Variants in DMRT1 observed in about 807,000 individuals in gnomAD.
DMRT1 encodes the protein doublesex- and mab-3-related transcription factor 1.
DMRT1 carries 7 observed loss-of-function variants against 32.3 expected under a neutral mutation model. The observed-to-expected ratio is 0.22, with a 90% CI of 0.12 to 0.41. DMRT1 has a LOEUF of 0.41. Ranked by LOEUF, DMRT1 falls within the 10% of genes least tolerant of loss-of-function variation. The pLI is 1.00. For synonymous variants in DMRT1, 278 were observed against 206.1 expected (o/e 1.35, Z -2.99); for missense variants, 625 against 500.5 (o/e 1.25, Z -2.37).
chr9:930,443 G>C (rs534003233), intron 4 of DMRT1, among the ~76,000 whole-genome samples: 1 of 150,266 alleles, frequency 6.7e-6, no homozygotes, highest in Non-Finnish European at 1.5e-5. Flanking sequence ...ACGGAGTTTC[G>C]CTCTGTCGCC....
At chr9:863,386 C>A (rs1471216734) in intron 2 of DMRT1, among the ~76,000 whole-genome samples, 1 of 151,230 alleles carries the variant, frequency 6.6e-6, no homozygotes, top group Non-Finnish European at 1.5e-5. Flanking sequence ...ACTAGAGATG[C>A]CATGACAGAA....
chr9:846,912 A>T, intron 1 of DMRT1, 48 bp from the exon 2 acceptor site: 4 of 1,612,330 alleles, frequency 2.5e-6, no homozygotes, highest in Non-Finnish European at 3.4e-6. Context: ...GTTTTGGCAA[A>T]GCTGATTCTG....
At chr9:967,574 A>G (rs1819968836) in intron 4 of DMRT1, among the ~76,000 whole-genome samples, 5 of 152,208 alleles carry the variant, frequency 3.3e-5, no homozygotes, top group Admixed American at 3.3e-4. Flanking sequence ...GTCGTGGTGG[A>G]AATGCATGGG....
intron 3 of DMRT1, among the ~76,000 whole-genome samples, chr9:913,807 C>T (rs776208879): frequency 6.6e-6 from 1 of 152,104 alleles, no homozygotes; most frequent in African/African-American, 2.4e-5. Flanking sequence ...GCAGGAGAAT[C>T]GCTTGAAGCC....
chr9:855,763 A>G (rs1815373300), intron 2 of DMRT1, among the ~76,000 whole-genome samples: 1 of 152,124 alleles, frequency 6.6e-6, no homozygotes, highest in African/African-American at 2.4e-5. Context: ...GACTACAGGC[A>G]CGTGCCACCA....
chr9:848,520 C>T (rs1004567620), intron 2 of DMRT1, among the ~76,000 whole-genome samples: 8 of 148,644 alleles, frequency 5.4e-5, no homozygotes, highest in Non-Finnish European at 1.2e-4. Context: ...ATAGTATGTC[C>T]TTATAATAGT....
chr9:911,431 G>GAAATTGC (rs1817976564), intron 3 of DMRT1, among the ~76,000 whole-genome samples: 1 of 133,552 alleles, frequency 7.5e-6, no homozygotes, highest in African/African-American at 2.7e-5. Context: ...AATTTAGTTT[G>GAAATTGC]AAATTGCATT....
chr9:924,219 G>A (rs1438850594), intron 4 of DMRT1, among the ~76,000 whole-genome samples: 1 of 151,914 alleles, frequency 6.6e-6, no homozygotes, highest in East Asian at 1.9e-4. Flanking sequence ...TTACAGGGGT[G>A]CACCACCACA....
chr9:929,339 C>T (rs1484096566), intron 4 of DMRT1, among the ~76,000 whole-genome samples: 1 of 152,078 alleles, frequency 6.6e-6, no homozygotes, highest in African/African-American at 2.4e-5. Flanking sequence ...ACTATGTTGC[C>T]CAGGCTGGAC....
At chr9:885,630 G>T (rs1451636774) in intron 2 of DMRT1, among the ~76,000 whole-genome samples, 2 of 152,136 alleles carry the variant, frequency 1.3e-5, no homozygotes, top group African/African-American at 4.8e-5. Context: ...GTGTCTGCTC[G>T]CTAGGGTTTC....
intron 3 of DMRT1, among the ~76,000 whole-genome samples, chr9:903,169 A>G (rs573032341): frequency 1.3e-5 from 2 of 152,118 alleles, no homozygotes; most frequent in Non-Finnish European, 2.9e-5. Flanking sequence ...AGTGGACCCA[A>G]TTCTCTTGGG....
rs1437068930 is a variant in DMRT1, at chr9:887,900, A to G, written c.539-6012A>G. Among the ~76,000 whole-genome samples, 4 of 152,238 alleles carry G rather than the reference A, an allele frequency of 2.6e-5. No individual in the cohort carries two copies. In the East Asian group the frequency reaches 5.8e-4, roughly 22 times the overall value. On this transcript the variant is annotated intron_variant, in intron 2 of 4. Coordinates refer to ENST00000382276, the MANE Select transcript of DMRT1 (RefSeq NM_021951.3). ...AGTATGTTTTTGTGCCTTTGACAAC[A>G]TTTAAAGAAAGCTTTGAACATAGTT...
intron 2 of DMRT1, among the ~76,000 whole-genome samples, chr9:877,774 G>C (rs1589489015): frequency 6.6e-6 from 1 of 152,212 alleles, no homozygotes; most frequent in Non-Finnish European, 1.5e-5. Flanking sequence ...ATAATTCCCA[G>C]TTTGGGTTAT....
intron 2 of DMRT1, among the ~76,000 whole-genome samples, chr9:888,767 T>C (rs143327711): frequency 0.01 from 1,449 of 143,680 alleles, 21 homozygotes; most frequent in African/African-American, 0.035. Context: ...TTTTTAGGAA[T>C]AGCGTGTGGA....
chr9:844,588 G>C (rs543764064), intron 1 of DMRT1, among the ~76,000 whole-genome samples: 1 of 151,980 alleles, frequency 6.6e-6, no homozygotes, highest in Non-Finnish European at 1.5e-5. Context: ...TATTTAAGAT[G>C]AATTTTTCTA....
chr9:893,495 A>C (rs1273259964), intron 2 of DMRT1, among the ~76,000 whole-genome samples: 1 of 152,244 alleles, frequency 6.6e-6, no homozygotes, highest in African/African-American at 2.4e-5. Flanking sequence ...ACCTAAATTC[A>C]CCTAAACTCT....
intron 4 of DMRT1, among the ~76,000 whole-genome samples, chr9:920,819 C>A (rs1298922801): frequency 6.6e-6 from 1 of 152,014 alleles, no homozygotes; most frequent in Non-Finnish European, 1.5e-5. Context: ...GGGGTGGGAA[C>A]CAAGGGTCTG....
intron 2 of DMRT1, among the ~76,000 whole-genome samples, chr9:889,269 T>C (rs999873088): frequency 6.6e-5 from 10 of 152,220 alleles, no homozygotes; most frequent in Non-Finnish European, 1.3e-4. Flanking sequence ...TTTTAACATA[T>C]AGAATTCGGT....
chr9:948,937 AATAAT>A (rs1256799135), intron 4 of DMRT1, among the ~76,000 whole-genome samples: 1 of 146,936 alleles, frequency 6.8e-6, no homozygotes, highest in Non-Finnish European at 1.5e-5. Flanking sequence ...TAATAATAAT[AATAAT>A]AATAGCCGGG....
Sources: allele counts gnomAD v4.1 joint callset (sites outside exome capture counted in the v4.1 genomes callset), GRCh38; gene constraint gnomAD v4.1.1; transcripts MANE v1.5; gene names NCBI Gene and HGNC (gene_info 2026-07-23, HGNC 2026-07-21).